The following PCDH11X variants were observed in gnomAD, a reference collection of about 807,000 sequenced individuals.
PCDH11X encodes protocadherin-11 X-linked.
A neutral mutation model predicts 53.3 loss-of-function variants in PCDH11X; 18 were observed. That is an observed-to-expected ratio of 0.34 (90% CI 0.23 to 0.50). The LOEUF (loss-of-function observed/expected upper bound fraction) is 0.50, where lower values mean the gene tolerates loss of function less well. PCDH11X is among the 20% of genes least tolerant of loss of function. PCDH11X has a pLI of 0.98. For missense variants in PCDH11X, 570 were observed against 1,032.4 expected (o/e 0.55, Z 6.14); for synonymous variants, 279 against 393.3 (o/e 0.71, Z 3.44).
At chrX:92,486,032 A>G (rs2073633865) in intron 10 of PCDH11X, among the ~76,000 whole-genome samples, 1 of 110,529 alleles carries the variant, frequency 9.0e-6, no homozygotes, top group Non-Finnish European at 1.9e-5. Context: ...TACATCAAGA[A>G]ACATGAATTA....
At chrX:92,227,856 T>C (rs2066998058) in intron 7 of PCDH11X, among the ~76,000 whole-genome samples, 1 of 111,601 alleles carries the variant, frequency 9.0e-6, no homozygotes, top group Non-Finnish European at 1.9e-5. Context: ...ATGAGGAACA[T>C]TGCTCTATCA....
At chrX:91,919,164 G>A (rs1396557160) in intron 6 of PCDH11X, among the ~76,000 whole-genome samples, 1 of 111,352 alleles carries the variant, frequency 9.0e-6, no homozygotes, top group Non-Finnish European at 1.9e-5. Flanking sequence ...TATAAATAAT[G>A]AGCTGTTTGT....
At chrX:91,907,397 A>ACC (rs1355969358) in intron 6 of PCDH11X, among the ~76,000 whole-genome samples, 2 of 61,584 alleles carry the variant, frequency 3.2e-5, no homozygotes, top group African/African-American at 6.1e-5. Flanking sequence ...ACACACACAC[A>ACC]CACACACACA....
intron 9 of PCDH11X, among the ~76,000 whole-genome samples, chrX:92,395,360 C>A (rs978107276): frequency 4.5e-5 from 5 of 110,903 alleles, no homozygotes; most frequent in African/African-American, 1.6e-4. Context: ...ATTTTTATTG[C>A]GGTAATTCTT....
intron 9 of PCDH11X, among the ~76,000 whole-genome samples, chrX:92,406,645 T>A (rs2071523661): frequency 1.0e-5 from 1 of 96,925 alleles, no homozygotes; most frequent in Non-Finnish European, 2.0e-5. Flanking sequence ...AACTCTTGGC[T>A]GGGCACAGTG....
intron 8 of PCDH11X, among the ~76,000 whole-genome samples, chrX:92,289,306 C>G: frequency 9.0e-6 from 1 of 110,957 alleles, no homozygotes; most frequent in Non-Finnish European, 1.9e-5. Context: ...TCTCAATAGA[C>G]GCAATATACA....
intron 7 of PCDH11X, among the ~76,000 whole-genome samples, chrX:92,226,121 C>A: frequency 9.0e-6 from 1 of 111,559 alleles, no homozygotes; most frequent in Non-Finnish European, 1.9e-5. Context: ...TGATCCCTTT[C>A]CTCCTCATCG....
intron 8 of PCDH11X, among the ~76,000 whole-genome samples, chrX:92,320,673 C>G (rs970152281): frequency 9.0e-6 from 1 of 111,178 alleles, no homozygotes; most frequent in Non-Finnish European, 1.9e-5. Flanking sequence ...AGAACCCACA[C>G]AATTTATAAA....
At chrX:91,953,287 C>T (rs1052950998) in intron 6 of PCDH11X, among the ~76,000 whole-genome samples, 59 of 110,444 alleles carry the variant, frequency 5.3e-4, no homozygotes, top group African/African-American at 1.9e-3. Context: ...TGTATCGAAA[C>T]ATCTTATATA....
intron 8 of PCDH11X, among the ~76,000 whole-genome samples, chrX:92,315,875 C>T (rs1249341491): frequency 1.2e-4 from 13 of 107,242 alleles, no homozygotes; most frequent in Admixed American, 6.1e-4. Flanking sequence ...TCACTTATTG[C>T]GGCTGTATGT....
At chrX:91,854,321 A>C (rs1680667305) in intron 5 of PCDH11X, among the ~76,000 whole-genome samples, 1 of 112,319 alleles carries the variant, frequency 8.9e-6, no homozygotes, top group South Asian at 3.7e-4. Flanking sequence ...ATGTTGTTGC[A>C]AATGACAGGC....
chrX:91,958,018 C>T (rs967751225), intron 6 of PCDH11X, among the ~76,000 whole-genome samples: 8 of 110,327 alleles, frequency 7.3e-5, no homozygotes, highest in Admixed American at 1.9e-4. Context: ...AATGGATCAG[C>T]GTCCCACTTA....
chrX:92,100,484 C>A (rs1418991049), intron 6 of PCDH11X, among the ~76,000 whole-genome samples: 1 of 110,071 alleles, frequency 9.1e-6, no homozygotes, highest in Non-Finnish European at 1.9e-5. Context: ...CCAGGATGAG[C>A]CAGGAAAAGG....
intron 8 of PCDH11X, among the ~76,000 whole-genome samples, chrX:92,326,855 G>C (rs3952360): frequency 9.5e-6 from 1 of 105,071 alleles, no homozygotes; most frequent in Non-Finnish European, 1.9e-5. Flanking sequence ...CTTTAAAAAA[G>C]AAAAATTCAC....
chrX:91,794,529 C>T (rs952227440), intron 1 of PCDH11X, among the ~76,000 whole-genome samples: 3 of 111,458 alleles, frequency 2.7e-5, no homozygotes, highest in Non-Finnish European at 5.7e-5. Context: ...GAAAAAAATA[C>T]AAATTGTGAT....
intron 10 of PCDH11X, among the ~76,000 whole-genome samples, chrX:92,593,801 G>T (rs1925284229): frequency 1.9e-5 from 2 of 107,970 alleles, no homozygotes; most frequent in South Asian, 8.4e-4. Flanking sequence ...TTTTCTTAGA[G>T]AATGGACCTG....
At chrX:92,360,317 C>A (rs2070314451) in intron 8 of PCDH11X, among the ~76,000 whole-genome samples, 1 of 111,247 alleles carries the variant, frequency 9.0e-6, no homozygotes, top group African/African-American at 3.2e-5. Flanking sequence ...TGTTCCCTTA[C>A]ATTTAAAAAT....
intron 8 of PCDH11X, among the ~76,000 whole-genome samples, chrX:92,351,283 C>T (rs1256994866): frequency 8.9e-6 from 1 of 111,843 alleles, no homozygotes; most frequent in African/African-American, 3.2e-5. Flanking sequence ...ATAAATCATT[C>T]TACGTCTCTT....
intron 1 of PCDH11X, among the ~76,000 whole-genome samples, chrX:91,797,615 T>C (rs1935779635): frequency 9.0e-6 from 1 of 110,947 alleles, no homozygotes; most frequent in Non-Finnish European, 1.9e-5. Flanking sequence ...ATTGAGTTTA[T>C]TTATAATCCA....
Sources: gnomAD v4.1 joint callset for allele counts (sites outside exome capture counted in the v4.1 genomes callset) on GRCh38, gnomAD v4.1.1 for gene constraint, MANE v1.5 for transcripts, NCBI Gene and HGNC (gene_info 2026-07-23, HGNC 2026-07-21) for gene names.